Variants in COMMD1 observed in about 807,000 individuals in gnomAD.
COMMD1 encodes the protein copper metabolism domain containing 1, also known as COMM domain-containing protein 1.
COMMD1 carries 10 observed loss-of-function variants against 17.2 expected under a neutral mutation model. That is an observed-to-expected ratio of 0.58 (90% CI 0.36 to 0.99). COMMD1 has a LOEUF of 0.99. Ranked by LOEUF, COMMD1 falls within the 50% of genes least tolerant of loss-of-function variation. The probability of loss-of-function intolerance (pLI) is 0.01; values close to 1 mark genes in which losing one functional copy is unlikely to be tolerated. For missense variants in COMMD1, 270 were observed against 231.8 expected (o/e 1.17, Z -1.07); for synonymous variants, 97 against 91.6 (o/e 1.06, Z -0.34).
At chr2:61,949,535 A>C (rs1670996539) in intron 1 of COMMD1, among the ~76,000 whole-genome samples, 2 of 152,238 alleles carry the variant, frequency 1.3e-5, no homozygotes, top group African/African-American at 4.8e-5. Flanking sequence ...AAGTGTGTAG[A>C]AGATGGAGCC....
At chr2:61,973,855 A>C (rs1671715519) in intron 1 of COMMD1, among the ~76,000 whole-genome samples, 2 of 152,226 alleles carry the variant, frequency 1.3e-5, no homozygotes, top group African/African-American at 2.4e-5. Context: ...GTGTATACCT[A>C]TATAATCCAC....
intron 1 of COMMD1, among the ~76,000 whole-genome samples, chr2:61,952,749 T>G (rs913705209): frequency 5.3e-5 from 8 of 152,202 alleles, no homozygotes; most frequent in African/African-American, 1.9e-4. Flanking sequence ...TGCTGCAATC[T>G]CAGTGAATTG....
In COMMD1 at chr2:62,055,204, A is replaced by G. The variant is rs568322564; in HGVS notation, c.462+54222A>G. ...AGTCGGGCTTTATTTTAGCCTGCGCATGGCCTGCCCACTATTTACCACTTC... is the reference window on the plus strand; with the variant it reads ...AGTCGGGCTTTATTTTAGCCTGCGCGTGGCCTGCCCACTATTTACCACTTC... On this transcript the variant is annotated intron_variant, in intron 2 of 2. Coordinates refer to ENST00000311832, the MANE Select transcript of COMMD1 (RefSeq NM_152516.4). 2.1e-3 allele frequency among the ~76,000 whole-genome samples: 320 copies of G among 152,282 alleles called. 2 individuals carry two copies. Among genetic ancestry groups the G allele is most frequent in the African/African-American group, 7.4e-3 (308 of 41,550 alleles).
chr2:61,982,758 A>G (rs1311359888), intron 1 of COMMD1, among the ~76,000 whole-genome samples: 2 of 152,108 alleles, frequency 1.3e-5, no homozygotes, highest in African/African-American at 4.8e-5. Flanking sequence ...AATTTTATCA[A>G]ATGTCTTTTC....
intron 1 of COMMD1, among the ~76,000 whole-genome samples, chr2:61,912,992 T>C (rs1006246416): frequency 3.9e-5 from 6 of 152,164 alleles, no homozygotes. Flanking sequence ...AACTCAAGGC[T>C]GTAGGGCAGC....
chr2:61,989,043 C>G (rs552292147), intron 1 of COMMD1, among the ~76,000 whole-genome samples: 1 of 152,184 alleles, frequency 6.6e-6, no homozygotes, highest in African/African-American at 2.4e-5. Context: ...AATTAAAGGG[C>G]CTTTCCTACC....
intron 1 of COMMD1, among the ~76,000 whole-genome samples, chr2:61,958,556 CT>C (rs944548773): frequency 6.6e-6 from 1 of 152,108 alleles, no homozygotes; most frequent in African/African-American, 2.4e-5. Flanking sequence ...TGTGAGGTAC[CT>C]TGCCTGGCCA....
chr2:61,949,208 C>G (rs753782487), intron 1 of COMMD1, among the ~76,000 whole-genome samples: 16 of 151,832 alleles, frequency 1.1e-4, no homozygotes, highest in Non-Finnish European at 1.2e-4. Context: ...GCTGCCGTGG[C>G]AGAGCATATA....
intron 1 of COMMD1, among the ~76,000 whole-genome samples, chr2:61,906,178 T>C (rs1669767802): frequency 6.6e-6 from 1 of 152,212 alleles, no homozygotes; most frequent in South Asian, 2.1e-4. Context: ...CTGGTGTTTT[T>C]AAAATTAAGA....
At chr2:62,020,899 A>G (rs1291349461) in intron 2 of COMMD1, among the ~76,000 whole-genome samples, 1 of 151,748 alleles carries the variant, frequency 6.6e-6, no homozygotes, top group Non-Finnish European at 1.5e-5. Flanking sequence ...GCTACTCAGG[A>G]GGCTGAGGCG....
intron 1 of COMMD1, among the ~76,000 whole-genome samples, chr2:61,889,900 G>T (rs1221689583): frequency 3.3e-5 from 5 of 152,064 alleles, no homozygotes; most frequent in East Asian, 1.9e-4. Flanking sequence ...TTTATATCTC[G>T]TTTAGTCCTC....
At chr2:62,059,000 G>A (rs1029560141) in intron 2 of COMMD1, among the ~76,000 whole-genome samples, 5 of 151,984 alleles carry the variant, frequency 3.3e-5, no homozygotes, top group African/African-American at 4.8e-5. Context: ...GGCCGGTCTC[G>A]AACTCCTGAC....
At chr2:61,890,772 A>G (rs1346237396) in intron 1 of COMMD1, among the ~76,000 whole-genome samples, 2 of 147,032 alleles carry the variant, frequency 1.4e-5, no homozygotes, top group Non-Finnish European at 3.0e-5. Flanking sequence ...GGTTGCAGTG[A>G]GCCGAGATTG....
At chr2:61,897,563 C>G (rs1183247802) in intron 1 of COMMD1, among the ~76,000 whole-genome samples, 1 of 152,108 alleles carries the variant, frequency 6.6e-6, no homozygotes. Flanking sequence ...GCCTGGCCAA[C>G]ATGATGAAAT....
chr2:61,932,152 G>A (rs930363097), intron 1 of COMMD1, among the ~76,000 whole-genome samples: 4 of 152,216 alleles, frequency 2.6e-5, no homozygotes, highest in African/African-American at 9.6e-5. Context: ...GAGCCACCGC[G>A]TCTGGCCTTT....
intron 2 of COMMD1, among the ~76,000 whole-genome samples, chr2:62,037,464 A>G (rs1670071981): frequency 6.6e-6 from 1 of 152,206 alleles, no homozygotes; most frequent in Admixed American, 6.5e-5. Flanking sequence ...TATAACTTTT[A>G]TTTCCATTAA....
At chr2:62,101,478 C>T (rs914058519) in intron 2 of COMMD1, among the ~76,000 whole-genome samples, 31 of 152,132 alleles carry the variant, frequency 2.0e-4, no homozygotes, top group African/African-American at 7.2e-4. Context: ...GGCATAGTGG[C>T]AGACACCTGT....
At chr2:62,046,518 T>A (rs1256995013) in intron 2 of COMMD1, among the ~76,000 whole-genome samples, 2 of 152,244 alleles carry the variant, frequency 1.3e-5, no homozygotes, top group Non-Finnish European at 2.9e-5. Context: ...TACATCATGG[T>A]GTTCATTATA....
intron 2 of COMMD1, among the ~76,000 whole-genome samples, chr2:62,039,822 A>C (rs545060943): frequency 5.9e-5 from 9 of 152,360 alleles, no homozygotes; most frequent in African/African-American, 2.2e-4. Context: ...AGAACCAAGA[A>C]TTCCATAGGA....
Sources: allele counts gnomAD v4.1 joint callset (sites outside exome capture counted in the v4.1 genomes callset), GRCh38; gene constraint gnomAD v4.1.1; transcripts MANE v1.5; gene names NCBI Gene and HGNC (gene_info 2026-07-23, HGNC 2026-07-21).